The following ASTN2 variants were observed in gnomAD, a reference collection of about 807,000 sequenced individuals.
ASTN2 encodes the protein astrotactin-2.
In ASTN2, 54 loss-of-function variants were observed where a neutral mutation model predicts 139.8. The observed-to-expected ratio is 0.39, with a 90% CI of 0.31 to 0.48. The LOEUF (loss-of-function observed/expected upper bound fraction) is 0.48. Ranked by LOEUF, ASTN2 falls within the 20% of genes least tolerant of loss-of-function variation. ASTN2 has a pLI of 0.95. For synonymous variants in ASTN2, 756 were observed against 719.5 expected (o/e 1.05, Z -0.81); for missense variants, 1,565 against 1,725.1 (o/e 0.91, Z 1.64).
At position 117,149,675 on chromosome 9, in the gene ASTN2, A is replaced by T. The variant is rs370105396; in HGVS notation, c.1016-8197T>A. On this transcript the variant is annotated intron_variant, in intron 3 of 22. Transcript: ENST00000313400. ...TTGTGAGAGTCCATTCATTGCATAC[A>T]ATATTCCATCTTATATAGGAGTCAC... Among the ~76,000 whole-genome samples, 134 of 152,328 alleles carry T rather than the reference A, an allele frequency of 8.8e-4. 1 individual carries two copies. In the South Asian group the frequency reaches 0.023, roughly 26 times the overall value.
chr9:117,185,627 G>A (rs912489366), intron 3 of ASTN2, among the ~76,000 whole-genome samples: 2 of 152,110 alleles, frequency 1.3e-5, no homozygotes, highest in African/African-American at 2.4e-5. Flanking sequence ...AGGGCATTCA[G>A]TATTGGATAT....
At chr9:116,455,180 C>A (rs1237169167) in intron 20 of ASTN2, among the ~76,000 whole-genome samples, 1 of 151,852 alleles carries the variant, frequency 6.6e-6, no homozygotes, top group Non-Finnish European at 1.5e-5. Context: ...GAAACCCTGT[C>A]TCTACTGAAA....
At chr9:116,600,622 A>G (rs1854844270) in intron 19 of ASTN2, among the ~76,000 whole-genome samples, 1 of 152,218 alleles carries the variant, frequency 6.6e-6, no homozygotes, top group African/African-American at 2.4e-5. Flanking sequence ...TTTGTAGATA[A>G]AATAAGATAA....
At chr9:117,346,330 G>A (rs1235807087) in intron 1 of ASTN2, among the ~76,000 whole-genome samples, 1 of 152,174 alleles carries the variant, frequency 6.6e-6, no homozygotes, top group Non-Finnish European at 1.5e-5. Flanking sequence ...CAAATGTTGT[G>A]TAAATGCTTG....
In ASTN2 at chr9:117,222,341, C is replaced by T. The variant is rs371006786; in HGVS notation, c.631-7599G>A. 2.4e-4 allele frequency among the ~76,000 whole-genome samples: 37 copies of T among 152,282 alleles called. No homozygotes were observed. The South Asian group carries it at 7.2e-3, about 30-fold the overall frequency. On this transcript the variant is annotated intron_variant, in intron 2 of 22. Coordinates refer to ENST00000313400, the MANE Select transcript of ASTN2 (RefSeq NM_001365068.1). ...TGCAACCACCCCTACTAAGCTCTTGCTACAGAGAAGGCATGGTGCCAAGTA... is the reference window on the plus strand; with the variant it reads ...TGCAACCACCCCTACTAAGCTCTTGTTACAGAGAAGGCATGGTGCCAAGTA...
intron 19 of ASTN2, among the ~76,000 whole-genome samples, chr9:116,491,205 G>C (rs1849508716): frequency 6.6e-6 from 1 of 152,146 alleles, no homozygotes; most frequent in South Asian, 2.1e-4. Context: ...ATCTTCAAAT[G>C]AGAAAGTTAA....
chr9:117,233,083 C>T (rs1175854054), intron 2 of ASTN2, among the ~76,000 whole-genome samples: 3 of 152,122 alleles, frequency 2.0e-5, no homozygotes, highest in Admixed American at 6.5e-5. Context: ...CTGGAGCTTG[C>T]GTTCTTCCAG....
chr9:117,065,947 G>C (rs1827924601), intron 5 of ASTN2, among the ~76,000 whole-genome samples: 1 of 151,674 alleles, frequency 6.6e-6, no homozygotes, highest in South Asian at 2.1e-4. Context: ...GTAGGTAGAA[G>C]ATTAAATGAG....
chr9:116,435,403 A>G (rs1480310521), intron 22 of ASTN2, among the ~76,000 whole-genome samples: 1 of 152,226 alleles, frequency 6.6e-6, no homozygotes, highest in Non-Finnish European at 1.5e-5. Context: ...AAACATTTAT[A>G]TGGCTTCTGG....
At position 116,686,596 on chromosome 9, in the gene ASTN2, C is replaced by T. The variant is rs139857671; in HGVS notation, c.2807-34803G>A. The T allele has an allele frequency of 1.9e-3, 2,355 of 1,211,968 alleles. 11 individuals carry two copies. The highest frequency in any genetic ancestry group is 2.4e-3 in the Non-Finnish European group (2,029 of 846,294). 75.1% of individuals were successfully genotyped at this position (1,211,968 alleles called of 1,614,324 possible). ...CCTCGTCCTTGCCAGATGCCTAGTG[C>T]CCCAGATTCCCTCAAATCTCAGGCC... On this transcript the variant is annotated intron_variant, in intron 16 of 22. Coordinates refer to ENST00000313400, the MANE Select transcript of ASTN2 (RefSeq NM_001365068.1).
Position 117,013,617 on chromosome 9 carries a change from C to T in ASTN2, c.1424-5358G>A, listed in dbSNP as rs547144744. Among the ~76,000 whole-genome samples, 25 of 151,968 alleles carry T rather than the reference C, an allele frequency of 1.6e-4. No individual in the cohort carries two copies. The East Asian group carries it at 3.5e-3, about 21-fold the overall frequency. On this transcript the variant is annotated intron_variant, in intron 6 of 22. Coordinates refer to ENST00000313400, the MANE Select transcript of ASTN2 (RefSeq NM_001365068.1). Reference sequence around the variant, plus strand: ...TGTTGCTCAGGGGACTGCACGGGCACGGAGGTCCTCATTAACTCTGATCTT... The same window carrying T: ...TGTTGCTCAGGGGACTGCACGGGCATGGAGGTCCTCATTAACTCTGATCTT...
At chr9:117,194,700 G>A (rs879042892) in intron 3 of ASTN2, among the ~76,000 whole-genome samples, 2 of 152,172 alleles carry the variant, frequency 1.3e-5, no homozygotes, top group Non-Finnish European at 1.5e-5. Flanking sequence ...TACATGTTGT[G>A]TTATCTCCAG....
At chr9:116,522,240 A>G (rs1374910534) in intron 19 of ASTN2, among the ~76,000 whole-genome samples, 7 of 152,210 alleles carry the variant, frequency 4.6e-5, no homozygotes, top group Non-Finnish European at 1.0e-4. Context: ...ACAATTCACA[A>G]TTGCCAAAAA....
chr9:116,695,785 G>A (rs1860815892), intron 16 of ASTN2, among the ~76,000 whole-genome samples: 1 of 152,136 alleles, frequency 6.6e-6, no homozygotes. Context: ...ATCTCTCTGG[G>A]TCAACTTCAT....
chr9:116,687,065 CT>C, intron 16 of ASTN2: 1 of 1,280,430 alleles, frequency 7.8e-7, no homozygotes, highest in African/African-American at 1.5e-5. Context: ...TCCTGACTTA[CT>C]GAGTGAACTT....
chr9:116,731,236 A>T (rs1828775965), intron 14 of ASTN2, among the ~76,000 whole-genome samples: 1 of 150,266 alleles, frequency 6.7e-6, no homozygotes, highest in Non-Finnish European at 1.5e-5. Flanking sequence ...AATCTTTTGA[A>T]ATGCAACAGT....
At chr9:117,300,503 A>G (rs1365646615) in intron 1 of ASTN2, among the ~76,000 whole-genome samples, 1 of 152,230 alleles carries the variant, frequency 6.6e-6, no homozygotes, top group Non-Finnish European at 1.5e-5. Flanking sequence ...AAGTCAGCAA[A>G]GATGATAAGT....
At position 116,426,875 on chromosome 9, in the gene ASTN2, C is replaced by T. The variant is rs572585536; in HGVS notation, c.3783-787G>A. Among the ~76,000 whole-genome samples, 13 of 152,232 alleles carry T rather than the reference C, an allele frequency of 8.5e-5. No individual in the cohort carries two copies. In the East Asian group the frequency reaches 2.3e-3, roughly 27 times the overall value. On this transcript the variant is annotated intron_variant, in intron 22 of 22. Transcript: ENST00000313400. The stretch of plus-strand genomic sequence containing the variant: ...GAAATGCCTAATGCCTGGTATAGAG[C>T]TCAGAGTAAGCTTCCAATAAATGAT...
intron 19 of ASTN2, among the ~76,000 whole-genome samples, chr9:116,496,803 G>A (rs562010347): frequency 1.4e-4 from 22 of 152,328 alleles, no homozygotes; most frequent in Non-Finnish European, 2.9e-4. Context: ...TTACGTGGTG[G>A]CAGGCAAGAG....
Sources: gnomAD v4.1 joint callset for allele counts (sites outside exome capture counted in the v4.1 genomes callset) on GRCh38, gnomAD v4.1.1 for gene constraint, MANE v1.5 for transcripts, NCBI Gene and HGNC (gene_info 2026-07-23, HGNC 2026-07-21) for gene names.